The following TULP4 variants were observed in gnomAD, a reference collection of about 807,000 sequenced individuals.
TULP4 encodes tubby-related protein 4.
TULP4 carries 16 observed loss-of-function variants against 129.0 expected under a neutral mutation model. The ratio of observed to expected loss-of-function variants is 0.12; its 90% CI spans 0.08 to 0.19. TULP4 has a LOEUF of 0.19. TULP4 is among the 10% of genes least tolerant of loss of function. TULP4 has a pLI of 1.00. For missense variants in TULP4, 1,842 were observed against 2,059.1 expected (o/e 0.89, Z 2.04); for synonymous variants, 998 against 854.0 (o/e 1.17, Z -2.94).
At position 158,502,663 on chromosome 6, in the gene TULP4, G is replaced by T. The variant is rs1780485977; in HGVS notation, c.3000G>T (p.Gln1000His). The change falls in exon 13 of 14, where the codon CAG becomes CAT. Residue 1000 changes from glutamine (Q) to histidine (H), a missense_variant. Transcript: ENST00000367097. The stretch of plus-strand genomic sequence containing the variant: ...GTGAGGCTACGCTCAAGATGGCCCA[G>T]CTGGCCGACAGCCCGCGGGCCCCCC... Reference protein sequence around the residue: ...NNREATLKMAQLADSPRAPLQ... With the variant: ...NNREATLKMAHLADSPRAPLQ... 3.8e-6 allele frequency: 6 copies of T among 1,566,730 alleles called. No homozygotes were observed. The highest frequency in any genetic ancestry group is 1.7e-5 in the Admixed American group (1 of 57,700).
intron 3 of TULP4, among the ~76,000 whole-genome samples, chr6:158,448,154 A>T (rs1779092969): frequency 6.6e-6 from 1 of 152,092 alleles, no homozygotes; most frequent in Non-Finnish European, 1.5e-5. Flanking sequence ...GCCTTCCTCT[A>T]TCCAGATTGT....
chr6:158,233,292 C>T (rs1287903472), intron 1 of TULP4, among the ~76,000 whole-genome samples: 1 of 152,230 alleles, frequency 6.6e-6, no homozygotes, highest in Non-Finnish European at 1.5e-5. Context: ...TCTTTGGGGT[C>T]TCCCCCACGC....
At chr6:158,280,907 A>T (rs1206256111), upstream of TULP4, among the ~76,000 whole-genome samples, 1 of 152,222 alleles carries the variant, frequency 6.6e-6, no homozygotes, top group East Asian at 1.9e-4. Flanking sequence ...ATGGATAAAT[A>T]AATTTAGTTG....
chr6:158,460,189 G>A (rs1779394174), intron 5 of TULP4, among the ~76,000 whole-genome samples: 1 of 152,200 alleles, frequency 6.6e-6, no homozygotes, highest in Non-Finnish European at 1.5e-5. Context: ...TAGTTTTCAA[G>A]AGACGTGAAA....
chr6:158,398,922 C>G (rs1210334715), intron 1 of TULP4, among the ~76,000 whole-genome samples: 1 of 152,110 alleles, frequency 6.6e-6, no homozygotes, highest in Non-Finnish European at 1.5e-5. Context: ...TTATTTTTCT[C>G]TTAGAGTTGT....
intron 1 of TULP4, among the ~76,000 whole-genome samples, chr6:158,295,473 A>G (rs549225982): frequency 6.8e-6 from 1 of 146,162 alleles, no homozygotes; most frequent in Admixed American, 6.7e-5. Context: ...AAAATTCTCA[A>G]ATTAAAAAAA....
intron 8 of TULP4, among the ~76,000 whole-genome samples, chr6:158,484,837 C>T (rs1478395515): frequency 2.6e-5 from 4 of 152,220 alleles, no homozygotes; most frequent in African/African-American, 4.8e-5. Flanking sequence ...CACGCTTGTG[C>T]GTACACACGT....
chr6:158,263,649 G>A (rs1424039802), intron 1 of TULP4, among the ~76,000 whole-genome samples: 8 of 152,144 alleles, frequency 5.3e-5, no homozygotes, highest in Admixed American at 5.2e-4. Context: ...CCAGCTACCC[G>A]GGAGAGTAAG....
chr6:158,487,904 C>G (rs767691506), intron 8 of TULP4, among the ~76,000 whole-genome samples: 1 of 152,210 alleles, frequency 6.6e-6, no homozygotes, highest in African/African-American at 2.4e-5. Flanking sequence ...GGGGTTAAAG[C>G]AGGAGGCAGG....
intron 1 of TULP4, among the ~76,000 whole-genome samples, chr6:158,365,003 G>A (rs1448530640): frequency 6.6e-6 from 1 of 151,970 alleles, no homozygotes; most frequent in Non-Finnish European, 1.5e-5. Context: ...CCAAAGTGCT[G>A]GGATTACAGG....
At chr6:158,473,419 C>T (rs1005985214) in intron 6 of TULP4, among the ~76,000 whole-genome samples, 1 of 152,222 alleles carries the variant, frequency 6.6e-6, no homozygotes, top group East Asian at 1.9e-4. Context: ...TTTATTACTA[C>T]AATTTAGTTG....
intron 1 of TULP4, among the ~76,000 whole-genome samples, chr6:158,271,156 A>G (rs958488599): frequency 2.0e-5 from 3 of 151,948 alleles, no homozygotes; most frequent in Non-Finnish European, 4.4e-5. Flanking sequence ...TCTCAAAAAA[A>G]AAAAAAAAAA....
At chr6:158,476,335 G>C (rs915641579) in intron 6 of TULP4, among the ~76,000 whole-genome samples, 4 of 152,028 alleles carry the variant, frequency 2.6e-5, no homozygotes, top group Non-Finnish European at 5.9e-5. Context: ...TTAGAAGAGG[G>C]GATTTCCTGG....
chr6:158,391,266 T>C (rs1426945893), intron 1 of TULP4, among the ~76,000 whole-genome samples: 1 of 152,210 alleles, frequency 6.6e-6, no homozygotes, highest in Non-Finnish European at 1.5e-5. Flanking sequence ...GGAAATACTT[T>C]ATGAAGTGGA....
chr6:158,473,936 G>A (rs753191661), intron 6 of TULP4, among the ~76,000 whole-genome samples: 1 of 152,152 alleles, frequency 6.6e-6, no homozygotes, highest in African/African-American at 2.4e-5. Context: ...TCCTGCCTCA[G>A]CCTCCCAAGT....
At chr6:158,371,878 G>A (rs778418325) in intron 1 of TULP4, among the ~76,000 whole-genome samples, 15 of 152,132 alleles carry the variant, frequency 9.9e-5, no homozygotes, top group Non-Finnish European at 1.9e-4. Flanking sequence ...GCAGTGGCAC[G>A]ATTTCAGCTC....
intron 1 of TULP4, among the ~76,000 whole-genome samples, chr6:158,283,511 C>A (rs113961905): frequency 1.3e-5 from 2 of 152,174 alleles, no homozygotes; most frequent in African/African-American, 4.8e-5. Context: ...ATCTTAGTTC[C>A]TTGTACTTGG....
chr6:158,378,770 C>T (rs1282863084), intron 1 of TULP4, among the ~76,000 whole-genome samples: 1 of 148,630 alleles, frequency 6.7e-6, no homozygotes, highest in Non-Finnish European at 1.5e-5. Flanking sequence ...CAGGCATGCG[C>T]TACCGCGCCT....
intron 2 of TULP4, 90 bp from the exon 3 acceptor site, chr6:158,429,646 A>G: frequency 1.4e-6 from 2 of 1,393,482 alleles, no homozygotes; most frequent in Non-Finnish European, 9.7e-7. Flanking sequence ...ATCTTAGCCA[A>G]AAGTCTAAGT....
Sources: gnomAD v4.1 joint callset for allele counts (sites outside exome capture counted in the v4.1 genomes callset) on GRCh38, gnomAD v4.1.1 for gene constraint, MANE v1.5 for transcripts, NCBI Gene and HGNC (gene_info 2026-07-23, HGNC 2026-07-21) for gene names.